The following MBD5 variants were observed in gnomAD, a reference collection of about 807,000 sequenced individuals.
The protein encoded by MBD5 is methyl-CpG-binding domain protein 5.
MBD5 carries 13 observed loss-of-function variants against 117.3 expected under a neutral mutation model. The ratio of observed to expected loss-of-function variants is 0.11; its 90% CI spans 0.07 to 0.18. The LOEUF (loss-of-function observed/expected upper bound fraction) is 0.18, where lower values mean the gene tolerates loss of function less well. MBD5 is among the 10% of genes least tolerant of loss of function. The pLI, the probability that MBD5 is intolerant of heterozygous loss-of-function variation, is 1.00. For synonymous variants in MBD5, 727 were observed against 766.4 expected, an observed-to-expected ratio of 0.95 and a Z score of 0.85; for missense variants, 1,879 against 2,093.8, an observed-to-expected ratio of 0.90 and a Z score of 2.00.
intron 4 of MBD5, among the ~76,000 whole-genome samples, chr2:148,406,028 T>A (rs12619794): frequency 0.073 from 11,171 of 152,038 alleles, 697 homozygotes; most frequent in East Asian, 0.29. Context: ...AAATAAATAA[T>A]TAATTAATTA....
At chr2:148,482,854 C>T (rs1054335178) in intron 8 of MBD5, among the ~76,000 whole-genome samples, 1 of 152,040 alleles carries the variant, frequency 6.6e-6, no homozygotes. Flanking sequence ...AAACCCCCAC[C>T]TCTCCTGCCA....
At position 148,294,220 on chromosome 2, in the gene MBD5, T is replaced by G. The variant is rs1413086051; in HGVS notation, c.-679-47994T>G. On this transcript the variant is annotated intron_variant, in intron 3 of 13. Coordinates refer to ENST00000642680, the MANE Select transcript of MBD5 (RefSeq NM_001378120.1). Reference sequence around the variant, plus strand: ...AGTTTTTTTTTTTTTTTTTTTTTTTTTTTTTTTTTTTTTTTTTTTTTTGAG... The same window carrying G: ...AGTTTTTTTTTTTTTTTTTTTTTTTGTTTTTTTTTTTTTTTTTTTTTTGAG... Among the ~76,000 whole-genome samples, 10 of 143,150 alleles carry G rather than the reference T, an allele frequency of 7.0e-5. 1 individual carries two copies. Among genetic ancestry groups the G allele is most frequent in the Admixed American group, 2.1e-4 (3 of 14,330 alleles). The allele number at this position is 143,150 out of a possible 152,430, so 93.9% of individuals were successfully genotyped here. A position where few individuals can be genotyped will look rare whatever the true frequency, so the allele number is the denominator to read the frequency against.
At chr2:148,034,238 A>G (rs1694123685) in intron 1 of MBD5, among the ~76,000 whole-genome samples, 1 of 152,150 alleles carries the variant, frequency 6.6e-6, no homozygotes, top group Admixed American at 6.5e-5. Flanking sequence ...AAATTTATCT[A>G]ATAATTCTAA....
chr2:148,481,455 T>C (rs1681150969), intron 8 of MBD5, among the ~76,000 whole-genome samples: 1 of 152,204 alleles, frequency 6.6e-6, no homozygotes, highest in African/African-American at 2.4e-5. Flanking sequence ...TGGCATAGCA[T>C]AGCCCAAAAT....
chr2:148,225,072 C>A (rs10432369), intron 2 of MBD5, among the ~76,000 whole-genome samples: 45,585 of 151,894 alleles, frequency 0.3, 7,323 homozygotes, highest in South Asian at 0.43. Flanking sequence ...CATTCAGTTT[C>A]TTTATTGGTA....
At chr2:148,202,472 A>C (rs1009268190) in intron 2 of MBD5, among the ~76,000 whole-genome samples, 1 of 152,146 alleles carries the variant, frequency 6.6e-6, no homozygotes, top group Admixed American at 6.5e-5. Flanking sequence ...CTCAACAAGA[A>C]ATCTAGTCTG....
chr2:148,048,039 T>A (rs1694582473), intron 1 of MBD5, among the ~76,000 whole-genome samples: 1 of 152,206 alleles, frequency 6.6e-6, no homozygotes, highest in Admixed American at 6.5e-5. Context: ...TATCAATTTA[T>A]TCATTGTTCT....
At chr2:148,296,763 TTTTTACAATTTC>T (rs1165630380) in intron 3 of MBD5, 1 of 152,398 alleles carries the variant, frequency 6.6e-6, no homozygotes, top group Admixed American at 6.6e-5. Flanking sequence ...CCCAATTTTT[TTTTTACAATTTC>T]TGTCTCTTTA....
In MBD5 at chr2:148,294,506, T is replaced by TTTTGTTTTGTTTTTTTTTTTTTTGTTTTG. The variant is rs1701594756; in HGVS notation, c.-679-47705_-679-47704insGTTTTGTTTTTTTTTTTTTTGTTTTGTTT. 1.8e-4 allele frequency among the ~76,000 whole-genome samples: 23 copies of TTTTGTTTTGTTTTTTTTTTTTTTGTTTTG among 130,688 alleles called. 2 individuals carry two copies. The highest frequency in any genetic ancestry group is 5.8e-4 in the African/African-American group (19 of 32,952). The allele number at this position is 130,688 out of a possible 152,430, so 85.7% of individuals were successfully genotyped here. On this transcript the variant is annotated intron_variant, in intron 3 of 13. Coordinates refer to ENST00000642680, the MANE Select transcript of MBD5 (RefSeq NM_001378120.1). ...CCCAAAGTGCTGGGATTACAGTTTT[T>TTTTGTTTTGTTTTTTTTTTTTTTGTTTTG]TTTTTTTTTTTTTTTGAGATAGAGC...
chr2:148,474,377 C>T (rs1680890709), intron 8 of MBD5, among the ~76,000 whole-genome samples: 1 of 152,144 alleles, frequency 6.6e-6, no homozygotes, highest in Non-Finnish European at 1.5e-5. Context: ...TGCAGTTTTT[C>T]ACGATTTTCA....
intron 2 of MBD5, among the ~76,000 whole-genome samples, chr2:148,214,459 C>G (rs1246419570): frequency 1.3e-5 from 2 of 152,146 alleles, no homozygotes; most frequent in African/African-American, 4.8e-5. Context: ...GGACTTACTC[C>G]ATGGGCTGAA....
At chr2:148,502,250 C>T (rs1681894019) in intron 11 of MBD5, 186 bp from the exon 12 acceptor site, 1 of 626,562 alleles carries the variant, frequency 1.6e-6, no homozygotes, top group African/African-American at 1.9e-5. Flanking sequence ...TCCACTGATG[C>T]TGCAGCCTGG....
At chr2:148,467,020 C>T (rs1294422848) in intron 7 of MBD5, among the ~76,000 whole-genome samples, 1 of 152,126 alleles carries the variant, frequency 6.6e-6, no homozygotes, top group Non-Finnish European at 1.5e-5. Context: ...TGTAACTCTA[C>T]TTGCTAATGT....
At chr2:148,438,331 A>G (rs1301709075) in intron 4 of MBD5, among the ~76,000 whole-genome samples, 2 of 152,182 alleles carry the variant, frequency 1.3e-5, no homozygotes, top group Admixed American at 1.3e-4. Context: ...CACATTTTGT[A>G]AGTAAATGCT....
chr2:148,326,699 C>T (rs1261032598), intron 3 of MBD5, among the ~76,000 whole-genome samples: 2 of 150,294 alleles, frequency 1.3e-5, no homozygotes, highest in African/African-American at 2.5e-5. Flanking sequence ...GTAGATCTTC[C>T]TCCATCCTTT....
chr2:148,155,960 A>G (rs1192319215), intron 1 of MBD5, among the ~76,000 whole-genome samples: 2 of 152,342 alleles, frequency 1.3e-5, no homozygotes, highest in East Asian at 3.9e-4. Flanking sequence ...CTTCAGAGAG[A>G]AAAGAAACAC....
At chr2:148,475,145 A>G (rs941409207) in intron 8 of MBD5, among the ~76,000 whole-genome samples, 7 of 152,150 alleles carry the variant, frequency 4.6e-5, no homozygotes, top group African/African-American at 1.7e-4. Context: ...ATGAGTTGCT[A>G]GTGAAAGTAT....
At chr2:148,050,851 A>T (rs1470468175) in intron 1 of MBD5, among the ~76,000 whole-genome samples, 1 of 152,086 alleles carries the variant, frequency 6.6e-6, no homozygotes, top group Non-Finnish European at 1.5e-5. Flanking sequence ...TTTCCTTACT[A>T]TAGTTTTTTT....
At chr2:148,271,475 A>G (rs1700985451) in intron 3 of MBD5, among the ~76,000 whole-genome samples, 1 of 152,140 alleles carries the variant, frequency 6.6e-6, no homozygotes, top group African/African-American at 2.4e-5. Flanking sequence ...GCTCTCCTTG[A>G]GTTTCAAATA....
Sources: gnomAD v4.1 joint callset for allele counts (sites outside exome capture counted in the v4.1 genomes callset) on GRCh38, gnomAD v4.1.1 for gene constraint, MANE v1.5 for transcripts, NCBI Gene and HGNC (gene_info 2026-07-23, HGNC 2026-07-21) for gene names.